The following UNC79 variants were observed in gnomAD, a reference collection of about 807,000 sequenced individuals.
UNC79 encodes protein unc-79 homolog.
Under a neutral mutation model 283.1 loss-of-function variants are expected in UNC79, and 37 were observed. The ratio of observed to expected loss-of-function variants is 0.13; its 90% CI spans 0.10 to 0.17. The LOEUF (loss-of-function observed/expected upper bound fraction) is 0.17. Ranked by LOEUF, UNC79 falls within the 10% of genes least tolerant of loss-of-function variation. The probability of loss-of-function intolerance (pLI) is 1.00; values close to 1 mark genes in which losing one functional copy is unlikely to be tolerated. For missense variants in UNC79, 2,272 were observed against 3,211.1 expected, an observed-to-expected ratio of 0.71 and a Z score of 7.07; for synonymous variants, 1,107 against 1,200.2, an observed-to-expected ratio of 0.92 and a Z score of 1.61.
chr14:93,637,365 T>G (rs776272860), intron 32 of UNC79, 66 bp downstream of exon 35: 17 of 1,594,770 alleles, frequency 1.1e-5, no homozygotes, highest in Non-Finnish European at 1.4e-5. Flanking sequence ...CATCATTTGG[T>G]CACCCAGCAG....
At chr14:93,579,996 A>G (rs2063696045) in intron 18 of UNC79, among the ~76,000 whole-genome samples, 153 bp from the exon 19 acceptor site, 1 of 152,242 alleles carries the variant, frequency 6.6e-6, no homozygotes, top group Non-Finnish European at 1.5e-5. Flanking sequence ...CTTGAAGCCT[A>G]TATTGTCTTT....
intron 1 of UNC79, among the ~76,000 whole-genome samples, chr14:93,402,427 T>C (rs2067325558): frequency 6.7e-6 from 1 of 149,270 alleles, no homozygotes; most frequent in South Asian, 2.1e-4. Flanking sequence ...AATGAAGGAA[T>C]AAAATGCATA....
intron 7 of UNC79, among the ~76,000 whole-genome samples, chr14:93,505,011 A>C (rs1038467691): frequency 9.2e-5 from 14 of 151,984 alleles, no homozygotes; most frequent in Admixed American, 2.0e-4. Flanking sequence ...ACTTTGTATT[A>C]TTTCATTCCA....
At chr14:93,566,356 T>C (rs898960390) in intron 14 of UNC79, among the ~76,000 whole-genome samples, 1 of 152,156 alleles carries the variant, frequency 6.6e-6, no homozygotes. Flanking sequence ...GCAAGAATCC[T>C]CCCACTGGTT....
At chr14:93,334,060 G>GTTT (rs961963494) in intron 1 of UNC79, among the ~76,000 whole-genome samples, 19 of 152,330 alleles carry the variant, frequency 1.2e-4, no homozygotes, top group African/African-American at 4.6e-4. Context: ...GTGTCACACA[G>GTTT]TTTTTTGTTG....
At chr14:93,417,295 G>C (rs1460316195) in intron 1 of UNC79, among the ~76,000 whole-genome samples, 1 of 151,970 alleles carries the variant, frequency 6.6e-6, no homozygotes, top group East Asian at 1.9e-4. Flanking sequence ...TAGTTTGGCT[G>C]GATATGAAAT....
In UNC79 at chr14:93,630,788, T is replaced by G. The variant is rs368757203; in HGVS notation, c.5609-13T>G. On this transcript the variant is annotated splice_polypyrimidine_tract_variant and intron_variant, in intron 30 of 48. Transcript: ENST00000555664. ...TCAGTGTCCTGAGTTTTAAATAATA[T>G]TTCTGTTTGTAGATCCTTCTACTAA... 2 of 1,609,172 alleles carry G rather than the reference T, an allele frequency of 1.2e-6. No individual in the cohort carries two copies. The highest frequency in any genetic ancestry group is 1.7e-6 in the Non-Finnish European group (2 of 1,175,716).
chr14:93,538,759 A>G (rs1411392824), intron 12 of UNC79, among the ~76,000 whole-genome samples: 2 of 148,238 alleles, frequency 1.3e-5, no homozygotes, highest in African/African-American at 5.0e-5. Context: ...GACAGCAGGG[A>G]CAGGTCCTGC....
chr14:93,575,963 G>T (rs1309000871), intron 17 of UNC79, among the ~76,000 whole-genome samples: 1 of 152,198 alleles, frequency 6.6e-6, no homozygotes, highest in African/African-American at 2.4e-5. Context: ...TTATGGGTTT[G>T]CATTCAGTGT....
chr14:93,394,416 A>ATTTTATTTTAT (rs2054949289), intron 1 of UNC79, among the ~76,000 whole-genome samples: 1 of 127,724 alleles, frequency 7.8e-6, no homozygotes, highest in Non-Finnish European at 1.7e-5. Context: ...ATTTTATCTT[A>ATTTTATTTTAT]TTTATTTTTT....
At chr14:93,618,651 T>C (rs945097765) in intron 29 of UNC79, among the ~76,000 whole-genome samples, 1 of 152,180 alleles carries the variant, frequency 6.6e-6, no homozygotes, top group Non-Finnish European at 1.5e-5. Flanking sequence ...GTTAGAAGCA[T>C]CTCGTTTTTG....
At chr14:93,678,560 A>G (rs1385059117) in intron 41 of UNC79, among the ~76,000 whole-genome samples, 1 of 152,230 alleles carries the variant, frequency 6.6e-6, no homozygotes, top group African/African-American at 2.4e-5. Flanking sequence ...AAGAACAAAT[A>G]GAATGCTTGT....
intron 1 of UNC79, among the ~76,000 whole-genome samples, chr14:93,375,020 G>T (rs184183450): frequency 6.6e-6 from 1 of 152,176 alleles, no homozygotes; most frequent in East Asian, 1.9e-4. Context: ...GGGGTGGAAT[G>T]CTATGACTTA....
At chr14:93,643,477 A>G (rs759938543) in intron 33 of UNC79, 80 bp from the exon 37 acceptor site, 223 of 1,606,758 alleles carry the variant, frequency 1.4e-4, no homozygotes, top group Non-Finnish European at 1.8e-4. Flanking sequence ...CCTACTAAAA[A>G]CAGCCGTGTG....
chr14:93,367,593 G>T (rs1261362458), intron 1 of UNC79, among the ~76,000 whole-genome samples: 1 of 152,146 alleles, frequency 6.6e-6, no homozygotes, highest in Non-Finnish European at 1.5e-5. Context: ...TGAAAAGGCA[G>T]AAAAGTTAGA....
intron 1 of UNC79, among the ~76,000 whole-genome samples, chr14:93,439,315 C>CTCCTT (rs3059773): frequency 6.6e-6 from 1 of 151,030 alleles, no homozygotes; most frequent in Non-Finnish European, 1.5e-5. Flanking sequence ...TCTTGTATTT[C>CTCCTT]TAAGTAAGAT....
At chr14:93,600,643 A>G in exon 25 of UNC79, 1 of 1,613,042 alleles carries the variant, frequency 6.2e-7, no homozygotes, top group Non-Finnish European at 8.5e-7. Flanking sequence ...GCAAGCTTTT[A>G]CTCTTGCACT....
rs71129653 is a variant in UNC79 at position 93,651,912 on chromosome 14, A to AT, written c.6084-1802dup. Among the ~76,000 whole-genome samples, 93 of 46,598 alleles carry AT rather than the reference A, an allele frequency of 2.0e-3. 1 individual carries two copies. Among genetic ancestry groups the AT allele is most frequent in the East Asian group, 8.3e-3 (13 of 1,574 alleles). 30.6% of individuals were successfully genotyped at this position (46,598 alleles called of 152,430 possible). A position where few individuals can be genotyped will look rare whatever the true frequency, so the allele number is the denominator to read the frequency against. On this transcript the variant is annotated intron_variant, in intron 35 of 48. Transcript: ENST00000555664. The stretch of plus-strand genomic sequence containing the variant: ...CACCACCATACCTGGCTAATTTTGT[A>AT]TTTTTTTTTTTTTTTTTTTTTTTTT...
At chr14:93,661,535 C>A (rs1027785133) in intron 39 of UNC79, among the ~76,000 whole-genome samples, 2 of 152,190 alleles carry the variant, frequency 1.3e-5, no homozygotes, top group African/African-American at 2.4e-5. Context: ...ATCTTCTCTG[C>A]AGAGCAATTC....
Sources: gnomAD v4.1 joint callset for allele counts (sites outside exome capture counted in the v4.1 genomes callset) on GRCh38, gnomAD v4.1.1 for gene constraint, MANE v1.5 for transcripts, NCBI Gene and HGNC (gene_info 2026-07-23, HGNC 2026-07-21) for gene names.